FDFT1: variants seen among roughly 807,000 people sequenced by gnomAD.
The protein encoded by FDFT1 is squalene synthase.
In FDFT1, 68 loss-of-function variants were observed where a neutral mutation model predicts 46.8. That is an observed-to-expected ratio of 1.45 (90% CI 1.19 to 1.78). The LOEUF is 1.78. Ranked by LOEUF, FDFT1 falls within the 40% of genes most tolerant of loss-of-function variation. The pLI is 0.00. For synonymous variants in FDFT1, 351 were observed against 185.1 expected (o/e 1.90, Z -7.28); for missense variants, 928 against 524.4 (o/e 1.77, Z -7.52).
intron 3 of FDFT1, among the ~76,000 whole-genome samples, chr8:11,818,642 A>G (rs1028454323): frequency 2.6e-5 from 4 of 151,114 alleles, no homozygotes; most frequent in African/African-American, 9.7e-5. Flanking sequence ...TTTTGATCTT[A>G]GTTGGTTTAA....
chr8:11,804,934 G>A (rs529001005), intron 1 of FDFT1, among the ~76,000 whole-genome samples: 85 of 144,528 alleles, frequency 5.9e-4, no homozygotes, highest in African/African-American at 2.1e-3. Context: ...TTGAGGGGGG[G>A]GTCTCACTCC....
rs537968714 is a variant in FDFT1 at position 11,807,078 on chromosome 8, T to TGTTACCATTCTGAAGTGACTATGGA, written c.100-1715_100-1691dup. Among the ~76,000 whole-genome samples the TGTTACCATTCTGAAGTGACTATGGA allele has an allele frequency of 1.1e-3, 145 of 134,240 alleles. No homozygotes were observed. The South Asian group carries it at 0.028, about 26-fold the overall frequency. 88.1% of individuals were successfully genotyped at this position (134,240 alleles called of 152,430 possible). On this transcript the variant is annotated intron_variant, in intron 1 of 7. Transcript: ENST00000220584. ...CCTCCCACCAGAGCCCAGGGTTCAC[T>TGTTACCATTCTGAAGTGACTATGGA]GTTACCATTCTGAAGTGACTATGGA...
Position 11,838,633 on chromosome 8 carries a change from G to A in FDFT1, c.*24G>A, listed in dbSNP as rs754999995. Reference sequence around the variant, plus strand: ...GATCCCAAATTTGTCCATAGCTGAAGTCCACCATAAAGTGGATTTACTTTT... The same window carrying A: ...GATCCCAAATTTGTCCATAGCTGAAATCCACCATAAAGTGGATTTACTTTT... On this transcript the variant is annotated 3_prime_UTR_variant, in exon 8 of 8. Coordinates refer to ENST00000220584, the MANE Select transcript of FDFT1 (RefSeq NM_004462.5). 1 of 1,550,568 alleles carries A rather than the reference G, an allele frequency of 6.4e-7. No homozygotes were observed. The highest frequency in any genetic ancestry group is 8.9e-7 in the Non-Finnish European group (1 of 1,122,074).
chr8:11,820,672 C>T (rs550134227), intron 3 of FDFT1, among the ~76,000 whole-genome samples: 6 of 152,206 alleles, frequency 3.9e-5, no homozygotes, highest in Non-Finnish European at 8.8e-5. Context: ...TGGGACCCCC[C>T]GAGCCAGGCA....
upstream of FDFT1, chr8:11,802,034 A>C (rs999502750): frequency 6.6e-6 from 3 of 455,860 alleles, no homozygotes; most frequent in East Asian, 2.1e-4. Flanking sequence ...GGATGAGAGA[A>C]GTTTCCACAT....
In FDFT1 at chr8:11,838,846, C is replaced by G. The variant is rs559995404; in HGVS notation, c.*237C>G. The G allele has an allele frequency of 6.7e-5, 35 of 525,720 alleles. No individual in the cohort carries two copies. The highest frequency in any genetic ancestry group is 5.9e-4 in the East Asian group (17 of 28,994). 32.6% of individuals were successfully genotyped at this position (525,720 alleles called of 1,614,324 possible). On this transcript the variant is annotated 3_prime_UTR_variant, in exon 8 of 8. Transcript: ENST00000220584. ...GTGATGATCACTGTGCTGCTTGTGG[C>G]TCATGGCAGAGCATTCAGTGCCACG...
chr8:11,825,213 T>C lies in FDFT1; in HGVS notation c.511-811T>C, dbSNP rs550854310. 2.1e-3 allele frequency among the ~76,000 whole-genome samples: 314 copies of C among 152,294 alleles called. 3 individuals are homozygous for C. The highest frequency in any genetic ancestry group is 7.3e-3 in the African/African-American group (303 of 41,560). ...ACCAGAATATTCCATCTTTCATCGT[T>C]GCCTTCTCTCATAGTTTTATGTATC... On this transcript the variant is annotated intron_variant, in intron 4 of 7. Coordinates refer to ENST00000220584, the MANE Select transcript of FDFT1 (RefSeq NM_004462.5).
At chr8:11,802,316 A>C (rs1214950842), upstream of FDFT1, 1 of 400,950 alleles carries the variant, frequency 2.5e-6, no homozygotes, top group Non-Finnish European at 5.0e-6. Context: ...GAGGCCGGAC[A>C]CGTGGGCGAC....
At chr8:11,806,097 G>T (rs1447674100) in intron 1 of FDFT1, among the ~76,000 whole-genome samples, 1 of 152,148 alleles carries the variant, frequency 6.6e-6, no homozygotes, top group African/African-American at 2.4e-5. Context: ...GTAGCTGGTA[G>T]CTGTTCACTT....
At chr8:11,821,383 G>T (rs1258214733) in intron 3 of FDFT1, among the ~76,000 whole-genome samples, 1 of 152,192 alleles carries the variant, frequency 6.6e-6, no homozygotes, top group Non-Finnish European at 1.5e-5. Context: ...ATGAGGTCAG[G>T]AATTTGAGAC....
intron 1 of FDFT1, 118 bp from the exon 2 acceptor site, chr8:11,808,676 A>G (rs1807239972): frequency 2.0e-6 from 3 of 1,479,594 alleles, no homozygotes; most frequent in Non-Finnish European, 2.7e-6. Context: ...GGCCTCGGGG[A>G]GAGGGCGGCA....
upstream of FDFT1, chr8:11,798,134 T>C (rs1805749256): frequency 6.6e-6 from 1 of 152,218 alleles, no homozygotes; most frequent in Non-Finnish European, 1.5e-5. Flanking sequence ...TGCAGTGTGG[T>C]GTGGTGATCT....
chr8:11,837,227 C>A (rs1028975885), intron 7 of FDFT1, among the ~76,000 whole-genome samples: 1 of 151,510 alleles, frequency 6.6e-6, no homozygotes, highest in Non-Finnish European at 1.5e-5. Context: ...GACAGTTGTT[C>A]TTTTGTTTTT....
upstream of FDFT1, among the ~76,000 whole-genome samples, chr8:11,800,380 C>G (rs372414240): frequency 6.7e-6 from 1 of 149,796 alleles, no homozygotes; most frequent in African/African-American, 2.5e-5. Context: ...TGGGAGTATA[C>G]CAAACAAAGG....
chr8:11,835,971 T>TCAAAAAAAAA (rs1554530005), intron 7 of FDFT1, among the ~76,000 whole-genome samples: 2 of 64,608 alleles, frequency 3.1e-5, no homozygotes, highest in African/African-American at 1.0e-4. Flanking sequence ...CTGTCTCTAC[T>TCAAAAAAAAA]AAAAAAAAAA....
intron 3 of FDFT1, among the ~76,000 whole-genome samples, chr8:11,820,243 A>G (rs1384894180): frequency 6.6e-6 from 1 of 152,044 alleles, no homozygotes; most frequent in Non-Finnish European, 1.5e-5. Flanking sequence ...ACCCACCTAT[A>G]TGAGGTGTCT....
upstream of FDFT1, chr8:11,801,716 C>T (rs1233473857): frequency 3.4e-5 from 9 of 262,368 alleles, no homozygotes; most frequent in Admixed American, 1.5e-4. Context: ...TTTTTGGAGA[C>T]GTAGTCTTGC....
chr8:11,800,313 C>CTAA (rs1002942605), upstream of FDFT1, among the ~76,000 whole-genome samples: 1 of 129,300 alleles, frequency 7.7e-6, no homozygotes, highest in African/African-American at 2.9e-5. Flanking sequence ...CATTAATTTA[C>CTAA]TAAGCAGGCC....
intron 3 of FDFT1, among the ~76,000 whole-genome samples, chr8:11,810,678 T>G (rs745811270): frequency 6.6e-6 from 1 of 152,188 alleles, no homozygotes; most frequent in Non-Finnish European, 1.5e-5. Flanking sequence ...TATCCTAGAA[T>G]TCGCATGTCT....
Sources: gnomAD v4.1 joint callset for allele counts (sites outside exome capture counted in the v4.1 genomes callset) on GRCh38, gnomAD v4.1.1 for gene constraint, MANE v1.5 for transcripts, NCBI Gene and HGNC (gene_info 2026-07-23, HGNC 2026-07-21) for gene names.